The following PI4KA variants were observed in gnomAD, a reference collection of about 807,000 sequenced individuals.
PI4KA encodes the protein phosphatidylinositol 4-kinase alpha, also known as PI4-kinase alpha.
In PI4KA, 122 loss-of-function variants were observed where a neutral mutation model predicts 271.4. The ratio of observed to expected loss-of-function variants is 0.45; its 90% CI spans 0.39 to 0.52. PI4KA has a LOEUF of 0.52. Among genes scored for constraint, PI4KA ranks in the 20% least tolerant of loss-of-function variants. The pLI is 0.00. For missense variants in PI4KA, 1,969 were observed against 2,769.1 expected (o/e 0.71, Z 6.48); for synonymous variants, 1,041 against 1,078.8 (o/e 0.96, Z 0.69).
chr22:20,781,906 G>T (rs1933829732), intron 19 of PI4KA, among the ~76,000 whole-genome samples: 1 of 152,192 alleles, frequency 6.6e-6, no homozygotes, highest in South Asian at 2.1e-4. Context: ...CACCCACTCT[G>T]ACAGGGCCGA....
At chr22:20,786,777 T>C (rs1189551040) in intron 19 of PI4KA, 7 of 1,222,352 alleles carry the variant, frequency 5.7e-6, no homozygotes, top group Admixed American at 1.7e-5. Flanking sequence ...TTACATGTTG[T>C]CTTTGGATCC....
Position 20,761,293 on chromosome 22 carries a change from A to G in PI4KA, c.2791+11T>C. On this transcript the variant is annotated intron_variant, in intron 23 of 54. Transcript: ENST00000255882. Reference sequence around the variant, plus strand: ...CAATTCATCATGAAAGCACCATAATAATGAGCTTACCAGATTTGTCTTTCT... The same window carrying G: ...CAATTCATCATGAAAGCACCATAATGATGAGCTTACCAGATTTGTCTTTCT... 6.6e-7 allele frequency: 1 copy of G among 1,524,218 alleles called. No individual in the cohort carries two copies. Among genetic ancestry groups the G allele is most frequent in the African/African-American group, 1.4e-5 (1 of 73,216 alleles). The allele number at this position is 1,524,218 out of a possible 1,614,324, so 94.4% of individuals were successfully genotyped here. A position where few individuals can be genotyped will look rare whatever the true frequency, so the allele number is the denominator to read the frequency against.
intron 29 of PI4KA, 86 bp downstream of exon 29, chr22:20,747,497 A>T: frequency 6.9e-7 from 1 of 1,454,100 alleles, no homozygotes; most frequent in East Asian, 2.3e-5. Flanking sequence ...GCGTCATGAA[A>T]AGCGACAGCC....
At chr22:20,763,814 C>A (rs770473181) in intron 22 of PI4KA, among the ~76,000 whole-genome samples, 1 of 152,176 alleles carries the variant, frequency 6.6e-6, no homozygotes, top group African/African-American at 2.4e-5. Flanking sequence ...GGGGAGAATG[C>A]GTCACTGATT....
At position 20,858,639 on chromosome 22, in the gene PI4KA, G is replaced by C; in HGVS notation, c.87C>G (p.Gly29=). 6.7e-7 allele frequency: 1 copy of C among 1,484,882 alleles called. No homozygotes were observed. 92.0% of individuals were successfully genotyped at this position (1,484,882 alleles called of 1,614,324 possible). The change falls in exon 1 of 55, where the codon GGC becomes GGG. Residue 29 remains glycine, a synonymous_variant. Coordinates refer to ENST00000255882, the MANE Select transcript of PI4KA (RefSeq NM_058004.4). ...GTGACAGGACCGTGTTGAAATAGAA[G>C]CCCCGCGAGGCGCTGGAGCCGGAGC... is the stretch of plus-strand genomic sequence containing the variant. ...CSGSGSSASR[G]FYFNTVLSLA...
intron 1 of PI4KA, among the ~76,000 whole-genome samples, chr22:20,842,234 T>G (rs539033000): frequency 6.6e-6 from 1 of 151,118 alleles, no homozygotes; most frequent in Non-Finnish European, 1.5e-5. Context: ...TCTCAATATA[T>G]ACATATTAAA....
chr22:20,739,154 G>A, intron 32 of PI4KA, among the ~76,000 whole-genome samples: 1 of 151,558 alleles, frequency 6.6e-6, no homozygotes, highest in Non-Finnish European at 1.5e-5. Context: ...GACCATCCTG[G>A]CTAACACAGT....
At chr22:20,772,818 A>T (rs1932942999) in intron 19 of PI4KA, among the ~76,000 whole-genome samples, 1 of 152,228 alleles carries the variant, frequency 6.6e-6, no homozygotes, top group African/African-American at 2.4e-5. Flanking sequence ...GGCCGGGCAC[A>T]GTGACTCATG....
Position 20,734,052 on chromosome 22 carries a change from G to T in PI4KA, c.4043C>A (p.Pro1348His). ...GGAAGAGGGCCCTCACTTGAAGCGG[G>T]GCCCGATGGCCGCCACGTGCCGGTT... ...SMNRHVAAIG[P>H]RFKLLTLGLS... Residue 1348 changes from proline (P) to histidine (H), a missense_variant, in exon 34 of 55, where the codon CCC (proline) becomes CAC (histidine). By Grantham distance (77) the Pro-to-His change is moderately conservative (BLOSUM62 -2). This residue lies in a region of PI4KA where 72 missense variants were observed against 103.1 expected (regional missense o/e 0.70). Transcript: ENST00000255882. 2 of 1,592,500 alleles carry T rather than the reference G, an allele frequency of 1.3e-6. No individual in the cohort carries two copies. Among genetic ancestry groups the T allele is most frequent in the East Asian group, 4.6e-5 (2 of 43,764 alleles).
At chr22:20,772,812 G>T (rs1029531309) in intron 19 of PI4KA, among the ~76,000 whole-genome samples, 1 of 152,098 alleles carries the variant, frequency 6.6e-6, no homozygotes, top group African/African-American at 2.4e-5. Flanking sequence ...TCATAAGGCC[G>T]GGCACAGTGA....
chr22:20,758,459 C>CTTTTTTTTTTTTTTT (rs35401829), intron 23 of PI4KA, among the ~76,000 whole-genome samples: 22 of 84,996 alleles, frequency 2.6e-4, no homozygotes, highest in African/African-American at 3.8e-4. Flanking sequence ...TCTTTCTTTT[C>CTTTTTTTTTTTTTTT]TTTTTTTTTT....
chr22:20,824,208 AT>A (rs1426394135), intron 4 of PI4KA, 117 bp downstream of exon 4: 1 of 739,888 alleles, frequency 1.4e-6, no homozygotes, highest in African/African-American at 1.7e-5. Flanking sequence ...ACAGGATGAA[AT>A]AGATAAATAT....
At chr22:20,741,386 A>G (rs199720800) in intron 32 of PI4KA, among the ~76,000 whole-genome samples, 1 of 152,158 alleles carries the variant, frequency 6.6e-6, no homozygotes, top group South Asian at 2.1e-4. Context: ...GCCCTTCTGC[A>G]TATCTTTGAT....
intron 1 of PI4KA, among the ~76,000 whole-genome samples, chr22:20,851,669 T>A (rs911462238): frequency 3.3e-5 from 5 of 152,158 alleles, no homozygotes; most frequent in Admixed American, 6.6e-5. Context: ...GGCTTCCAGA[T>A]AAGCTTTAAA....
Position 20,834,737 on chromosome 22 carries a change from G to A in PI4KA, c.274-82C>T. 3.7e-6 allele frequency: 3 copies of A among 807,302 alleles called. No homozygotes were observed. The South Asian group carries it at 4.4e-5, about 12-fold the overall frequency. The allele number at this position is 807,302 out of a possible 1,614,324, so 50.0% of individuals were successfully genotyped here. ...CTTTTTAGCCCAGATTAAGCCCAAA[G>A]CAAAGCATATCCACATCCTAATCAT... On this transcript the variant is annotated intron_variant, in intron 2 of 54. Coordinates refer to ENST00000255882, the MANE Select transcript of PI4KA (RefSeq NM_058004.4).
At chr22:20,807,086 C>A (rs1024140665) in intron 10 of PI4KA, among the ~76,000 whole-genome samples, 2 of 152,090 alleles carry the variant, frequency 1.3e-5, no homozygotes, top group African/African-American at 4.8e-5. Context: ...CTGTATCTGT[C>A]CTTAGGACAA....
At chr22:20,759,479 C>T (rs1401457590) in intron 23 of PI4KA, among the ~76,000 whole-genome samples, 1 of 147,268 alleles carries the variant, frequency 6.8e-6, no homozygotes, top group African/African-American at 2.5e-5. Flanking sequence ...TCTCGGCTCA[C>T]CTCAACCTCC....
intron 4 of PI4KA, among the ~76,000 whole-genome samples, chr22:20,821,021 C>A (rs73162825): frequency 0.069 from 10,580 of 152,258 alleles, 356 homozygotes; most frequent in East Asian, 0.079. Context: ...TCTGATTTTA[C>A]GGTAGTCCAG....
intron 23 of PI4KA, among the ~76,000 whole-genome samples, chr22:20,761,096 T>A (rs912251542): frequency 6.6e-6 from 1 of 152,254 alleles, no homozygotes; most frequent in Non-Finnish European, 1.5e-5. Context: ...TGGGCTAGAA[T>A]GACCATCCTT....
Sources: gnomAD v4.1 joint callset for allele counts (sites outside exome capture counted in the v4.1 genomes callset) on GRCh38, gnomAD v4.1.1 for gene constraint, gnomAD v4.1.1 regional missense constraint, MANE v1.5 for transcripts, NCBI Gene and HGNC (gene_info 2026-07-23, HGNC 2026-07-21) for gene names.